CORO1C: variants seen among roughly 807,000 people sequenced by gnomAD.
CORO1C encodes the protein coronin-1C.
In CORO1C, 14 loss-of-function variants were observed where a neutral mutation model predicts 51.2. The observed-to-expected ratio is 0.27, with a 90% confidence interval of 0.18 to 0.43. The LOEUF is 0.43. CORO1C is among the 20% of genes least tolerant of loss of function. CORO1C has a pLI of 1.00. For synonymous variants in CORO1C, 181 were observed against 210.5 expected, an observed-to-expected ratio of 0.86 and a Z score of 1.21; for missense variants, 417 against 607.8, an observed-to-expected ratio of 0.69 and a Z score of 3.30.
At chr12:108,699,257 C>A (rs906503183) in intron 2 of CORO1C, among the ~76,000 whole-genome samples, 1 of 152,194 alleles carries the variant, frequency 6.6e-6, no homozygotes, top group African/African-American at 2.4e-5. Context: ...GGGCACTGCA[C>A]ACAGGTCTCC....
chr12:108,656,211 C>T (rs1233518578), intron 6 of CORO1C, among the ~76,000 whole-genome samples: 21 of 149,306 alleles, frequency 1.4e-4, no homozygotes, highest in Middle Eastern at 3.6e-3. Flanking sequence ...AAGTGAGGAG[C>T]CCCTCCGCCC....
intron 3 of CORO1C, among the ~76,000 whole-genome samples, chr12:108,666,011 T>C (rs1281651522): frequency 6.6e-6 from 1 of 152,206 alleles, no homozygotes; most frequent in Non-Finnish European, 1.5e-5. Context: ...CAACCAATGC[T>C]ATGCTGGCAT....
At chr12:108,690,103 G>T (rs1428921878) in intron 2 of CORO1C, among the ~76,000 whole-genome samples, 3 of 152,170 alleles carry the variant, frequency 2.0e-5, no homozygotes, top group Non-Finnish European at 2.9e-5. Context: ...AGTGATTGTG[G>T]TCATGGGACA....
intron 8 of CORO1C, chr12:108,649,227 A>G: frequency 1.6e-6 from 1 of 607,212 alleles, no homozygotes. Context: ...TATGCTAGGA[A>G]CTGGCAGACT....
intron 1 of CORO1C, among the ~76,000 whole-genome samples, chr12:108,703,755 GC>G (rs2034946472): frequency 7.6e-6 from 1 of 131,606 alleles, no homozygotes. Context: ...CCCAGCAGAA[GC>G]CAGGAGAGGC....
Position 108,688,983 on chromosome 12 carries a change from A to G in CORO1C, c.196-10589T>C, listed in dbSNP as rs2034400779. 4.7e-5 allele frequency among the ~76,000 whole-genome samples: 7 copies of G among 149,872 alleles called. No homozygotes were observed. In the Admixed American group the frequency reaches 4.7e-4, roughly 10 times the overall value. On this transcript the variant is annotated intron_variant, in intron 2 of 10. Transcript: ENST00000261401. ...GAGACGGAGGTTGCAGTGAGCTGAG[A>G]GCGTACCACTACACTCCAGCCTGGG...
At chr12:108,715,668 G>GCAGAACTATATAAAATC (rs1555222868) in intron 1 of CORO1C, among the ~76,000 whole-genome samples, 1 of 34,506 alleles carries the variant, frequency 2.9e-5, no homozygotes, top group East Asian at 4.0e-4. Flanking sequence ...TCACAACACT[G>GCAGAACTATATAAAATC]GCAGCAGCCA....
chr12:108,697,673 CCAT>C (rs1045114162), intron 2 of CORO1C, among the ~76,000 whole-genome samples: 1 of 152,104 alleles, frequency 6.6e-6, no homozygotes, highest in African/African-American at 2.4e-5. Context: ...GTTGGAGTCC[CCAT>C]CATATTTCTT....
rs11447073 is a variant in CORO1C, at chr12:108,692,794, C to CTTT, written c.195+8327_195+8329dup. On this transcript the variant is annotated intron_variant, in intron 2 of 10. Coordinates refer to ENST00000261401, the MANE Select transcript of CORO1C (RefSeq NM_014325.4). ...GGATTCAGTGTCCATTAGACCACAG[C>CTTT]TTTTTTTTTTTTTTTTTTTTTGAGA... 5.4e-3 allele frequency among the ~76,000 whole-genome samples: 604 copies of CTTT among 111,556 alleles called. 12 individuals carry two copies. The highest frequency in any genetic ancestry group is 6.1e-3 in the Non-Finnish European group (355 of 58,046). The allele number at this position is 111,556 out of a possible 152,430, so 73.2% of individuals were successfully genotyped here.
intron 1 of CORO1C, among the ~76,000 whole-genome samples, chr12:108,703,752 G>A (rs1278231248): frequency 2.1e-5 from 3 of 140,356 alleles, no homozygotes; most frequent in African/African-American, 8.2e-5. Flanking sequence ...CTCCCCAGCA[G>A]AAGCCAGGAG....
At chr12:108,698,508 G>A (rs2136862217) in intron 2 of CORO1C, among the ~76,000 whole-genome samples, 2 of 152,348 alleles carry the variant, frequency 1.3e-5, no homozygotes, top group South Asian at 4.1e-4. Context: ...CCGGGTTCAA[G>A]TGATTCTCCT....
At chr12:108,660,596 G>A (rs1481693301) in intron 4 of CORO1C, among the ~76,000 whole-genome samples, 3 of 152,080 alleles carry the variant, frequency 2.0e-5, no homozygotes, top group South Asian at 4.1e-4. Context: ...CTTCAGCCCC[G>A]GCAGCTGGAT....
At chr12:108,671,273 C>A (rs2033707881) in intron 3 of CORO1C, among the ~76,000 whole-genome samples, 1 of 151,804 alleles carries the variant, frequency 6.6e-6, no homozygotes. Flanking sequence ...GAGGTCAAGG[C>A]ATGATCGTGC....
chr12:108,670,445 C>T (rs921202262), intron 3 of CORO1C, among the ~76,000 whole-genome samples: 5 of 152,048 alleles, frequency 3.3e-5, no homozygotes, highest in African/African-American at 1.2e-4. Context: ...CAGGATGGGC[C>T]CACAAAGGAG....
At chr12:108,699,620 T>TGGG (rs937971741) in intron 2 of CORO1C, among the ~76,000 whole-genome samples, 2 of 152,176 alleles carry the variant, frequency 1.3e-5, no homozygotes, top group African/African-American at 4.8e-5. Flanking sequence ...CCCTTGCTCT[T>TGGG]GGTGAAGGAA....
intron 1 of CORO1C, among the ~76,000 whole-genome samples, chr12:108,715,448 T>A (rs1183375929): frequency 6.6e-6 from 1 of 152,116 alleles, no homozygotes; most frequent in Non-Finnish European, 1.5e-5. Context: ...AAATATATAT[T>A]TCTATTACAG....
At chr12:108,654,745 C>CA (rs972844988) in intron 6 of CORO1C, among the ~76,000 whole-genome samples, 19 of 151,798 alleles carry the variant, frequency 1.3e-4, no homozygotes, top group African/African-American at 4.6e-4. Context: ...CTCTGTCGCC[C>CA]AGGCTGGAGT....
At chr12:108,700,810 G>T (rs2034842350) in intron 2 of CORO1C, 1 of 239,130 alleles carries the variant, frequency 4.2e-6, no homozygotes, top group South Asian at 9.9e-5. Context: ...CACTCTAAAA[G>T]AAAAATTTTT....
intron 6 of CORO1C, among the ~76,000 whole-genome samples, chr12:108,655,871 C>G (rs1182685125): frequency 6.6e-6 from 1 of 151,844 alleles, no homozygotes; most frequent in Admixed American, 6.6e-5. Context: ...CCCCTCTGCC[C>G]GGCTGCCCAG....
Sources: allele counts gnomAD v4.1 joint callset (sites outside exome capture counted in the v4.1 genomes callset), GRCh38; gene constraint gnomAD v4.1.1; transcripts MANE v1.5; gene names NCBI Gene and HGNC (gene_info 2026-07-23, HGNC 2026-07-21).